CES3: variants seen among roughly 807,000 people sequenced by gnomAD.
CES3 encodes carboxylesterase 3 (brain).
A neutral mutation model predicts 57.6 loss-of-function variants in CES3; 49 were observed. The observed-to-expected ratio is 0.85, with a 90% CI of 0.68 to 1.08. CES3 has a LOEUF of 1.08. CES3 is among the 50% of genes least tolerant of loss of function. CES3 has a pLI of 0.00. For synonymous variants in CES3, 266 were observed against 281.6 expected (o/e 0.94, Z 0.55); for missense variants, 645 against 742.0 (o/e 0.87, Z 1.52).
chr16:66,972,213 C>A (rs1597024803), intron 10 of CES3, 143 bp from the exon 11 acceptor site: 2 of 779,722 alleles, frequency 2.6e-6, no homozygotes, highest in East Asian at 5.5e-5. Flanking sequence ...CTAGCAAGCG[C>A]TCAGTAAATG....
chr16:66,963,154 C>A lies in CES3; in HGVS notation c.83-25C>A. 6.2e-7 allele frequency: 1 copy of A among 1,613,040 alleles called. No individual in the cohort carries two copies. Among genetic ancestry groups the A allele is most frequent in the South Asian group, 1.1e-5 (1 of 91,058 alleles). On this transcript the variant is annotated intron_variant, in intron 1 of 12. Transcript: ENST00000303334. This position sits in a 1 kb window ranked among gnomAD's most constrained non-coding sequence, Gnocchi z 4.9. ...CCTCATGGGGGCTGCAAACTCACCC[C>A]GTGGCCTTTCTGTCCTTCCCTCAGG...
In CES3 at chr16:66,972,653, C is replaced by G; in HGVS notation, c.1442-15C>G. ...ACCTGACTCTCGTTCAGTTCTGTCCCTCTCACCTTTCCAGCCTTTCCAGAG... is the reference window on the plus strand; with the variant it reads ...ACCTGACTCTCGTTCAGTTCTGTCCGTCTCACCTTTCCAGCCTTTCCAGAG... On this transcript the variant is annotated splice_polypyrimidine_tract_variant and intron_variant, in intron 11 of 12. Coordinates refer to ENST00000303334, the MANE Select transcript of CES3 (RefSeq NM_024922.6). The G allele has an allele frequency of 6.2e-6, 10 of 1,614,222 alleles. No homozygotes were observed. Among genetic ancestry groups the G allele is most frequent in the Non-Finnish European group, 8.5e-6 (10 of 1,180,042 alleles).
chr16:66,966,903 C>G, intron 8 of CES3, 38 bp downstream of exon 8: 1 of 1,610,934 alleles, frequency 6.2e-7, no homozygotes, highest in Non-Finnish European at 8.5e-7. Context: ...CAAGGCCCTG[C>G]CCCAGCCAGT....
rs148757465 is a variant in CES3, at chr16:66,963,540, G to A, written c.337G>A (p.Gly113Arg). 1.1e-5 allele frequency: 17 copies of A among 1,614,200 alleles called. No individual in the cohort carries two copies. The highest frequency in any genetic ancestry group is 1.6e-4 in the Middle Eastern group (1 of 6,062). Residue 113 changes from glycine (G) to arginine (R), a missense_variant, in exon 3 of 13, where the codon GGA becomes AGA. Transcript: ENST00000303334. The surrounding 1 kb of genome is among the most constrained non-coding windows in gnomAD (Gnocchi z 4.9). ...SMNSSRFVLN[G>R]KQQIFSVSED... ...GAACAGCAGCAGATTTGTCCTCAAC[G>A]GAAAACAGCAGATCTTCTCCGTTTC...
At chr16:66,970,398 C>T (rs970108627) in intron 9 of CES3, among the ~76,000 whole-genome samples, 5 of 152,338 alleles carry the variant, frequency 3.3e-5, no homozygotes, top group African/African-American at 9.6e-5. Flanking sequence ...GTGGAGCCAC[C>T]GCGCCCGGCG....
intron 7 of CES3, 179 bp downstream of exon 7, chr16:66,966,524 C>A: frequency 1.2e-6 from 1 of 828,200 alleles, no homozygotes; most frequent in Non-Finnish European, 1.9e-6. Flanking sequence ...CCACAGCAGG[C>A]CTGTCTTCTA....
At chr16:66,967,623 A>C in intron 8 of CES3, 1 of 984,328 alleles carries the variant, frequency 1.0e-6, no homozygotes, top group Non-Finnish European at 1.2e-6. Flanking sequence ...CATCCCGAGC[A>C]TCTTGTTTCT....
intron 9 of CES3, 122 bp from the exon 10 acceptor site, chr16:66,971,050 T>C: frequency 9.0e-7 from 1 of 1,107,240 alleles, no homozygotes; most frequent in Non-Finnish European, 1.2e-6. Context: ...GGCAGCTGGC[T>C]GTCCCCTGGA....
intron 11 of CES3, 78 bp from the exon 12 acceptor site, chr16:66,972,590 A>G (rs549335141): frequency 6.2e-7 from 1 of 1,610,874 alleles, no homozygotes; most frequent in East Asian, 2.2e-5. Context: ...ACGGGTCTCC[A>G]GTCAGCACTG....
Position 66,964,641 on chromosome 16 carries a change from G to A in CES3, c.733G>A (p.Ala245Thr). The change falls in exon 6 of 13, where the codon GCA becomes ACA. Residue 245 changes from alanine (A) to threonine (T), a missense_variant. Coordinates refer to ENST00000303334, the MANE Select transcript of CES3 (RefSeq NM_024922.6). ...CACCCAGGTCCTGTCCCCAGTGGCT[G>A]CAGGGCTGTTCCACAGAGCCATCAC... ...ISGLVLSPVA[A>T]GLFHRAITQS... The A allele has an allele frequency of 1.2e-6, 2 of 1,614,034 alleles. No individual in the cohort carries two copies. The highest frequency in any genetic ancestry group is 1.7e-5 in the Admixed American group (1 of 60,012).
chr16:66,962,982 G>A (rs1963671229), intron 1 of CES3, 197 bp from the exon 2 acceptor site: 1 of 709,304 alleles, frequency 1.4e-6, no homozygotes, highest in Non-Finnish European at 2.5e-6. Context: ...CTGGCCTGGA[G>A]TGGAGTGGTA....
Position 66,972,908 on chromosome 16 carries a change from A to G in CES3, c.1575A>G (p.Gln525=). 2 of 1,614,164 alleles carry G rather than the reference A, an allele frequency of 1.2e-6. No individual in the cohort carries two copies. The highest frequency in any genetic ancestry group is 1.7e-6 in the Non-Finnish European group (2 of 1,180,030). The change falls in exon 13 of 13, where the codon CAA becomes CAG. Residue 525 remains glutamine (Q), a synonymous_variant. Transcript: ENST00000303334. ...PPWPQFNQAE[Q]YLEINPVPRA... ...GGCCCCAATTCAACCAGGCGGAACA[A>G]TATCTGGAGATCAACCCAGTGCCAC...
chr16:66,964,767 C>A (rs369090523), intron 6 of CES3, 40 bp downstream of exon 6: 32 of 1,533,538 alleles, frequency 2.1e-5, no homozygotes, highest in African/African-American at 4.1e-5. Flanking sequence ...TGTGTGCCTC[C>A]CATACCCCAC....
intron 8 of CES3, chr16:66,967,562 T>C (rs779456968): frequency 3.2e-5 from 32 of 985,346 alleles, no homozygotes; most frequent in Non-Finnish European, 3.6e-5. Context: ...GTCCCTTCCA[T>C]TCCTTTCCAG....
At chr16:66,971,905 G>A (rs1963839559) in intron 10 of CES3, among the ~76,000 whole-genome samples, 1 of 152,278 alleles carries the variant, frequency 6.6e-6, no homozygotes, top group South Asian at 2.1e-4. Flanking sequence ...TTTGGGAGAA[G>A]CGGGAGGATC....
intron 1 of CES3, among the ~76,000 whole-genome samples, 183 bp downstream of exon 1, chr16:66,961,572 T>C (rs1358073509): frequency 6.6e-6 from 1 of 152,186 alleles, no homozygotes; most frequent in Non-Finnish European, 1.5e-5. Flanking sequence ...GTTTTTGTTG[T>C]TGTTGTTTGA....
In CES3 at chr16:66,973,126, C is replaced by T. The variant is rs527713380; in HGVS notation, c.*77C>T. On this transcript the variant is annotated 3_prime_UTR_variant, in exon 13 of 13. Transcript: ENST00000303334. The stretch of plus-strand genomic sequence containing the variant: ...AGAGTCCCAGCACGGCAGCCCGCCT[C>T]TCCCCCTGCTGAGACTTTAATCTCC... The T allele has an allele frequency of 1.0e-4, 133 of 1,314,906 alleles. 2 individuals are homozygous for T. The South Asian group carries it at 1.8e-3, about 17-fold the overall frequency. 81.5% of individuals were successfully genotyped at this position (1,314,906 alleles called of 1,614,324 possible). A position where few individuals can be genotyped will look rare whatever the true frequency, so the allele number is the denominator to read the frequency against.
At chr16:66,971,134 G>A (rs1963824263) in intron 9 of CES3, 38 bp from the exon 10 acceptor site, 5 of 1,587,222 alleles carry the variant, frequency 3.2e-6, no homozygotes, top group Admixed American at 1.7e-5. Flanking sequence ...CCACATCTGT[G>A]CACCCTGAGC....
At chr16:66,969,285 G>A (rs1198486206) in intron 8 of CES3, among the ~76,000 whole-genome samples, 6 of 151,422 alleles carry the variant, frequency 4.0e-5, no homozygotes, top group Middle Eastern at 3.2e-3. Context: ...GCACGTCTGC[G>A]GTCCCAGCTA....
Sources: allele counts gnomAD v4.1 joint callset (sites outside exome capture counted in the v4.1 genomes callset), GRCh38; gene constraint gnomAD v4.1.1; non-coding constraint Gnocchi (gnomAD v3.1); transcripts MANE v1.5; gene names NCBI Gene and HGNC (gene_info 2026-07-23, HGNC 2026-07-21).